SNTG1: variants seen among roughly 807,000 people sequenced by gnomAD.
SNTG1 encodes the protein gamma-1-syntrophin.
Under a neutral mutation model 74.7 loss-of-function variants are expected in SNTG1, and 39 were observed. The observed-to-expected ratio is 0.52, with a 90% CI of 0.40 to 0.68. The LOEUF is 0.68. Among genes scored for constraint, SNTG1 ranks in the 30% least tolerant of loss-of-function variants. The pLI is 0.00. For missense variants in SNTG1, 685 were observed against 609.5 expected, an observed-to-expected ratio of 1.12 and a Z score of -1.30; for synonymous variants, 254 against 217.1, an observed-to-expected ratio of 1.17 and a Z score of -1.49.
intron 2 of SNTG1, among the ~76,000 whole-genome samples, chr8:50,217,090 A>C (rs1276898133): frequency 2.6e-5 from 4 of 151,884 alleles, no homozygotes; most frequent in Non-Finnish European, 5.9e-5. Context: ...AAATGGGCTG[A>C]CACCAAAAGA....
At chr8:49,966,964 A>AT (rs1299704352) in intron 1 of SNTG1, among the ~76,000 whole-genome samples, 4 of 152,068 alleles carry the variant, frequency 2.6e-5, no homozygotes, top group African/African-American at 9.7e-5. Flanking sequence ...TGCTAGCAAG[A>AT]TTTTTTTCAA....
chr8:50,032,167 A>G (rs990561308), intron 1 of SNTG1, among the ~76,000 whole-genome samples: 7 of 151,886 alleles, frequency 4.6e-5, no homozygotes, highest in African/African-American at 1.5e-4. Context: ...AGTAAATTGT[A>G]TCTTCTCAAT....
At chr8:49,972,456 G>T (rs944840597) in intron 1 of SNTG1, among the ~76,000 whole-genome samples, 1 of 152,134 alleles carries the variant, frequency 6.6e-6, no homozygotes, top group African/African-American at 2.4e-5. Flanking sequence ...ATAGGCATGG[G>T]CGAGGACTTC....
chr8:50,235,164 A>G (rs2085824888), intron 2 of SNTG1, among the ~76,000 whole-genome samples: 1 of 152,160 alleles, frequency 6.6e-6, no homozygotes, highest in Admixed American at 6.5e-5. Flanking sequence ...TTGCAGCTGT[A>G]TCATAATAGC....
intron 14 of SNTG1, 108 bp from the exon 15 acceptor site, chr8:50,658,484 A>G (rs2095197695): frequency 1.5e-6 from 1 of 671,076 alleles, no homozygotes; most frequent in East Asian, 3.1e-5. Context: ...GAGAGACTAG[A>G]TACATCTGTG....
At chr8:50,260,510 A>AACACACAC (rs10649962) in intron 2 of SNTG1, among the ~76,000 whole-genome samples, 1 of 143,504 alleles carries the variant, frequency 7.0e-6, no homozygotes, top group Non-Finnish European at 1.6e-5. Context: ...TCCAGCTTTT[A>AACACACAC]ACACACACAC....
intron 1 of SNTG1, among the ~76,000 whole-genome samples, chr8:49,986,738 A>G (rs1490873475): frequency 3.5e-5 from 5 of 144,146 alleles, no homozygotes; most frequent in African/African-American, 1.3e-4. Context: ...AAAAATAGCC[A>G]GGTGTTGTGG....
chr8:50,112,274 G>T (rs1462151040), intron 1 of SNTG1, among the ~76,000 whole-genome samples: 1 of 151,932 alleles, frequency 6.6e-6, no homozygotes, highest in South Asian at 2.1e-4. Context: ...GAATAATGTA[G>T]GAAACCAGGT....
intron 9 of SNTG1, 61 bp downstream of exon 9, chr8:50,502,941 T>C (rs1405869527): frequency 7.5e-7 from 1 of 1,333,002 alleles, no homozygotes; most frequent in African/African-American, 1.5e-5. Context: ...TAATTATTAT[T>C]TTGACAATAA....
intron 1 of SNTG1, among the ~76,000 whole-genome samples, chr8:49,962,856 G>A (rs937506186): frequency 6.6e-6 from 1 of 152,182 alleles, no homozygotes; most frequent in Non-Finnish European, 1.5e-5. Context: ...GGCATCCCAA[G>A]TTCTGGGATT....
intron 12 of SNTG1, among the ~76,000 whole-genome samples, chr8:50,568,587 T>C (rs2094529244): frequency 6.6e-6 from 1 of 152,170 alleles, no homozygotes; most frequent in South Asian, 2.1e-4. Context: ...TGATGATTAG[T>C]AATGGTGACA....
chr8:49,947,390 T>G (rs2129385712), intron 1 of SNTG1, among the ~76,000 whole-genome samples: 1 of 152,328 alleles, frequency 6.6e-6, no homozygotes, highest in Non-Finnish European at 1.5e-5. Flanking sequence ...CATTTTATGT[T>G]TCAAGGCCAT....
chr8:50,186,020 TCTGTGTGTGTTGTTCCTCTCC>T (rs1355724157), intron 2 of SNTG1, among the ~76,000 whole-genome samples: 1 of 151,934 alleles, frequency 6.6e-6, no homozygotes, highest in Non-Finnish European at 1.5e-5. Context: ...CCCCGACAGG[TCTGTGTGTGTTGTTCCTCTCC>T]CTGTGTGCAT....
intron 2 of SNTG1, among the ~76,000 whole-genome samples, chr8:50,316,189 G>C (rs2090312669): frequency 1.3e-5 from 2 of 152,058 alleles, no homozygotes; most frequent in South Asian, 4.1e-4. Context: ...CAATAAACTT[G>C]TACAGATTTT....
intron 1 of SNTG1, among the ~76,000 whole-genome samples, chr8:50,052,953 T>C (rs1723902203): frequency 6.6e-6 from 1 of 152,250 alleles, no homozygotes; most frequent in South Asian, 2.1e-4. Context: ...AACACTCTTA[T>C]ATTGCTGGGG....
intron 1 of SNTG1, among the ~76,000 whole-genome samples, chr8:50,070,394 C>G (rs1044525497): frequency 8.5e-5 from 13 of 152,096 alleles, no homozygotes; most frequent in African/African-American, 2.9e-4. Context: ...AACGTATCAT[C>G]CACTAAAAAC....
intron 12 of SNTG1, among the ~76,000 whole-genome samples, chr8:50,566,665 C>T (rs958772180): frequency 1.1e-4 from 17 of 151,876 alleles, no homozygotes; most frequent in African/African-American, 4.1e-4. Flanking sequence ...GAAGTATAAC[C>T]TCAAAACTCT....
chr8:50,224,022 G>C (rs1473532744), intron 2 of SNTG1, among the ~76,000 whole-genome samples: 3 of 151,950 alleles, frequency 2.0e-5, no homozygotes, highest in Non-Finnish European at 4.4e-5. Context: ...TCAATTTAGT[G>C]AGTGACACTT....
At chr8:50,401,208 T>C (rs2092800920) in intron 3 of SNTG1, among the ~76,000 whole-genome samples, 1 of 152,124 alleles carries the variant, frequency 6.6e-6, no homozygotes. Flanking sequence ...TCCAAAGTGG[T>C]CATTATTCCT....
Sources: allele counts gnomAD v4.1 joint callset (sites outside exome capture counted in the v4.1 genomes callset), GRCh38; gene constraint gnomAD v4.1.1; transcripts MANE v1.5; gene names NCBI Gene and HGNC (gene_info 2026-07-23, HGNC 2026-07-21).